EDARADD: variants seen among roughly 807,000 people sequenced by gnomAD.
EDARADD encodes the protein ectodysplasin-A receptor-associated adapter protein.
In EDARADD, 20 loss-of-function variants were observed where a neutral mutation model predicts 25.6. The observed-to-expected ratio is 0.78, with a 90% CI of 0.55 to 1.14. The LOEUF (loss-of-function observed/expected upper bound fraction) is 1.14. EDARADD is among the 50% of genes most tolerant of loss of function. The pLI, the probability that EDARADD is intolerant of heterozygous loss-of-function variation, is 0.00. For synonymous variants in EDARADD, 86 were observed against 94.4 expected, an observed-to-expected ratio of 0.91 and a Z score of 0.52; for missense variants, 225 against 270.1, an observed-to-expected ratio of 0.83 and a Z score of 1.17.
intron 5 of EDARADD, among the ~76,000 whole-genome samples, chr1:236,473,014 A>G (rs1219792290): frequency 6.6e-6 from 1 of 152,056 alleles, no homozygotes; most frequent in Non-Finnish European, 1.5e-5. Flanking sequence ...CTAATTTTTC[A>G]TTTGATTTTC....
intron 5 of EDARADD, among the ~76,000 whole-genome samples, chr1:236,469,085 G>A (rs117110925): frequency 1.4e-4 from 21 of 152,138 alleles, no homozygotes; most frequent in East Asian, 3.9e-4. Context: ...ATTTCTCCCC[G>A]CTCCCCTTTT....
chr1:236,394,841 G>A (rs1667485295), intron 1 of EDARADD, among the ~76,000 whole-genome samples: 1 of 152,142 alleles, frequency 6.6e-6, no homozygotes, highest in African/African-American at 2.4e-5. Context: ...CCCCACTTAA[G>A]CGTAATATTT....
chr1:236,404,140 G>A (rs867909627), intron 1 of EDARADD, among the ~76,000 whole-genome samples: 4 of 152,280 alleles, frequency 2.6e-5, no homozygotes, highest in East Asian at 1.9e-4. Flanking sequence ...TCCTCTGCCC[G>A]TCCTATTAGA....
intron 4 of EDARADD, among the ~76,000 whole-genome samples, chr1:236,440,192 T>G (rs926385640): frequency 6.6e-6 from 1 of 152,210 alleles, no homozygotes; most frequent in Admixed American, 6.5e-5. Flanking sequence ...ATTTCTGGGT[T>G]CTGTATTCTG....
At chr1:236,413,793 G>A (rs1386026999) in intron 2 of EDARADD, among the ~76,000 whole-genome samples, 2 of 152,190 alleles carry the variant, frequency 1.3e-5, no homozygotes, top group African/African-American at 2.4e-5. Flanking sequence ...GCAGTCAGTA[G>A]GGAAGGGATC....
intron 4 of EDARADD, among the ~76,000 whole-genome samples, chr1:236,455,804 T>C (rs1217134945): frequency 2.6e-5 from 4 of 152,216 alleles, no homozygotes; most frequent in Non-Finnish European, 5.9e-5. Context: ...TGTTCTTTTT[T>C]TTTGAGACGG....
chr1:236,398,645 A>G lies in EDARADD; in HGVS notation c.61+4140A>G, dbSNP rs1024285882. Among the ~76,000 whole-genome samples, 2 of 152,128 alleles carry G rather than the reference A, an allele frequency of 1.3e-5. No individual in the cohort carries two copies. The highest frequency in any genetic ancestry group is 3.9e-4 in the East Asian group (2 of 5,184). ...CACCCTCGTGCCTCCTGGCCTTTGC[A>G]AACTTTGTTCCTGCGGCCTGGAAGG... On this transcript the variant is annotated intron_variant, in intron 1 of 5. Transcript: ENST00000334232. The surrounding 1 kb of genome is among the most constrained non-coding windows in gnomAD (Gnocchi z 4.1).
At chr1:236,386,821 TG>T (rs1386498147) in intron 3 of EDARADD, among the ~76,000 whole-genome samples, 1 of 35,356 alleles carries the variant, frequency 2.8e-5, no homozygotes, top group African/African-American at 1.2e-4. Flanking sequence ...GGGAGGGAGG[TG>T]GGGGGGGTCA....
At chr1:236,467,430 A>ACACACG (rs1553270569) in intron 4 of EDARADD, among the ~76,000 whole-genome samples, 28 of 142,344 alleles carry the variant, frequency 2.0e-4, no homozygotes, top group African/African-American at 7.0e-4. Context: ...ACACGCGCAC[A>ACACACG]CACACACACA....
chr1:236,444,125 CT>C (rs892728247), intron 4 of EDARADD, among the ~76,000 whole-genome samples: 3 of 152,028 alleles, frequency 2.0e-5, no homozygotes, highest in African/African-American at 7.2e-5. Context: ...TTAAGACGTA[CT>C]TTTTTAGACA....
chr1:236,477,052 A>C (rs1293236328), intron 5 of EDARADD, among the ~76,000 whole-genome samples: 1 of 136,316 alleles, frequency 7.3e-6, no homozygotes, highest in East Asian at 2.2e-4. Flanking sequence ...AGTGCCCATA[A>C]GCAAAAAAAA....
intron 1 of EDARADD, among the ~76,000 whole-genome samples, chr1:236,407,454 C>T (rs1248297492): frequency 6.6e-6 from 1 of 150,546 alleles, no homozygotes; most frequent in African/African-American, 2.5e-5. Context: ...ATTATCAACA[C>T]CTGCAGGGCA....
intron 3 of EDARADD, among the ~76,000 whole-genome samples, chr1:236,415,511 T>G (rs1055076487): frequency 7.2e-5 from 11 of 152,164 alleles, no homozygotes; most frequent in African/African-American, 2.7e-4. Flanking sequence ...AATGGCTCAA[T>G]CTTGGCTCAC....
rs1558098377 is a variant in EDARADD at position 236,353,015 on chromosome 1, AAAAAAC to A, written c.-6+2179_-6+2184del. Among the ~76,000 whole-genome samples the A allele has an allele frequency of 2.6e-5, 4 of 152,074 alleles. No homozygotes were observed. In the East Asian group the frequency reaches 7.7e-4, roughly 29 times the overall value. Reference sequence around the variant, plus strand: ...ACAGAGCAAGACTCCGTCTCTAAAAAAAAAACAACAACAACAAATTATCTAACAGTA... The same window carrying A: ...ACAGAGCAAGACTCCGTCTCTAAAAAAACAACAACAAATTATCTAACAGTA... On this transcript the variant is annotated intron_variant, in intron 3 of 7. Transcript: ENST00000439430.
At chr1:236,452,502 CT>C (rs57782540) in intron 4 of EDARADD, among the ~76,000 whole-genome samples, 16,799 of 151,100 alleles carry the variant, frequency 0.11, 1,227 homozygotes, top group African/African-American at 0.19. Flanking sequence ...CCGATCCCCC[CT>C]CTCTCTCTCT....
chr1:236,399,344 G>A lies in EDARADD; in HGVS notation c.61+4839G>A, dbSNP rs190053621. Among the ~76,000 whole-genome samples, 199 of 152,180 alleles carry A rather than the reference G, an allele frequency of 1.3e-3. 1 individual carries two copies. Among genetic ancestry groups the A allele is most frequent in the Admixed American group, 2.2e-3 (33 of 15,286 alleles). On this transcript the variant is annotated intron_variant, in intron 1 of 5. Coordinates refer to ENST00000334232, the MANE Select transcript of EDARADD (RefSeq NM_145861.4). ...TTACAGGGGTGTGCCACCACCCCTG[G>A]CTAATTTTTGTATTTCTTTTTTAGT...
chr1:236,389,819 T>C (rs1454095846), upstream of EDARADD, among the ~76,000 whole-genome samples: 1 of 152,054 alleles, frequency 6.6e-6, no homozygotes, highest in Non-Finnish European at 1.5e-5. Context: ...CTAGGTAATG[T>C]AGTGAGACTC....
chr1:236,463,068 A>G (rs1304096895), intron 4 of EDARADD, among the ~76,000 whole-genome samples: 1 of 147,800 alleles, frequency 6.8e-6, no homozygotes. Context: ...ACACACATTT[A>G]AAATCATAGA....
At chr1:236,360,514 G>A (rs957492532) in intron 3 of EDARADD, among the ~76,000 whole-genome samples, 1 of 150,428 alleles carries the variant, frequency 6.6e-6, no homozygotes, top group African/African-American at 2.4e-5. Context: ...CAAATATTCA[G>A]GACAGAGGGA....
Sources: gnomAD v4.1 joint callset for allele counts (sites outside exome capture counted in the v4.1 genomes callset) on GRCh38, gnomAD v4.1.1 for gene constraint, Gnocchi (gnomAD v3.1) non-coding constraint, MANE v1.5 for transcripts, NCBI Gene and HGNC (gene_info 2026-07-23, HGNC 2026-07-21) for gene names.